Variants in ZNF850 observed in about 807,000 individuals in gnomAD.
The protein encoded by ZNF850 is putative zinc finger protein ENSP00000330994.
ZNF850 carries 2 observed loss-of-function variants against 11.9 expected under a neutral mutation model. That is an observed-to-expected ratio of 0.17 (90% CI 0.07 to 0.53). The LOEUF is 0.53. Ranked by LOEUF, ZNF850 falls within the 20% of genes least tolerant of loss-of-function variation. ZNF850 has a pLI of 0.94. For missense variants in ZNF850, 1,014 were observed against 1,316.4 expected, an observed-to-expected ratio of 0.77 and a Z score of 3.55; for synonymous variants, 381 against 443.0, an observed-to-expected ratio of 0.86 and a Z score of 1.76.
chr19:36,769,993 TG>T (rs934978049), intron 1 of ZNF850, among the ~76,000 whole-genome samples: 1 of 152,186 alleles, frequency 6.6e-6, no homozygotes, highest in Admixed American at 6.5e-5. Context: ...ACCCCCTCTT[TG>T]GGTTCGATTA....
chr19:36,750,610 T>G lies in ZNF850; in HGVS notation c.430A>C (p.Thr144Pro). 1.3e-6 allele frequency: 2 copies of G among 1,536,136 alleles called. No homozygotes were observed. The highest frequency in any genetic ancestry group is 1.7e-6 in the Non-Finnish European group (2 of 1,146,922). Residue 144 changes from threonine to proline, a missense_variant, in exon 5 of 5, where the codon ACT becomes CCT. Coordinates refer to ENST00000591344, the MANE Select transcript of ZNF850 (RefSeq NM_001193552.2). Reference sequence around the variant, plus strand: ...CAGAAAGTTGGTGTTGTTTCATAAGTCATTATTGCTTTTTCCAAATATCGC... The same window carrying G: ...CAGAAAGTTGGTGTTGTTTCATAAGGCATTATTGCTTTTTCCAAATATCGC... ...QERYLEKAIM[T>P]YETTPTFCLQ...
chr19:36,764,485 A>G (rs2040537822), intron 1 of ZNF850, among the ~76,000 whole-genome samples: 1 of 152,144 alleles, frequency 6.6e-6, no homozygotes, highest in Non-Finnish European at 1.5e-5. Flanking sequence ...GTGAGGCTAG[A>G]GTTTATTATA....
rs184448576 is a variant in ZNF850, at chr19:36,770,002, T to C, written c.-70+2723A>G. Among the ~76,000 whole-genome samples, 12 of 152,308 alleles carry C rather than the reference T, an allele frequency of 7.9e-5. No individual in the cohort carries two copies. In the East Asian group the frequency reaches 1.9e-3, roughly 25 times the overall value. On this transcript the variant is annotated intron_variant, in intron 1 of 4. Transcript: ENST00000591344. ...CCTACGACCCCCTCTTTGGGTTCGA[T>C]TAATTTGCTAAAATAAAATGGCTCA...
rs1295458536 is a variant in ZNF850 at position 36,762,326 on chromosome 19, A to G, written c.118T>C (p.Tyr40His). 5.1e-6 allele frequency: 8 copies of G among 1,580,324 alleles called. No homozygotes were observed. The highest frequency in any genetic ancestry group is 6.8e-6 in the Non-Finnish European group (8 of 1,170,232). The change falls in exon 3 of 5, where the codon TAC (tyrosine) becomes CAC (histidine). Residue 40 changes from tyrosine (Y) to histidine (H), a missense_variant. This residue lies in a region of ZNF850 where 835 missense variants were observed against 1,022.0 expected (regional missense o/e 0.82). Transcript: ENST00000591344. Reference protein sequence around the residue: ...DLYRDVMMENYSSLVSLGLSI... With the variant: ...DLYRDVMMENHSSLVSLGLSI... ...TTACCTAGTGAGACCAGGCTGCTGT[A>G]GTTCTCCATCATTACATCTCTGTAT...
rs2040446524 is a variant in ZNF850 at position 36,750,411 on chromosome 19, G to A, written c.629C>T (p.Ser210Phe). 6.5e-7 allele frequency: 1 copy of A among 1,536,602 alleles called. No homozygotes were observed. The highest frequency in any genetic ancestry group is 8.7e-7 in the Non-Finnish European group (1 of 1,146,968). Residue 210 changes from serine to phenylalanine, a missense_variant, in exon 5 of 5, where the codon TCC (serine) becomes TTC (phenylalanine). Physicochemically the swap from Ser to Phe is radical, Grantham distance 155. This residue lies in a region of ZNF850 where 835 missense variants were observed against 1,022.0 expected (regional missense o/e 0.82). Transcript: ENST00000591344. ...KECGKAFHHFSYLVKHQRIHT... is the reference protein window; with the variant it reads ...KECGKAFHHFFYLVKHQRIHT... ...AATTCTCTGATGTTTAACAAGATAG[G>A]AAAAGTGATGAAAGGCCTTCCCACA...
At chr19:36,753,759 C>A (rs1257469409) in intron 4 of ZNF850, among the ~76,000 whole-genome samples, 1 of 151,958 alleles carries the variant, frequency 6.6e-6, no homozygotes, top group Non-Finnish European at 1.5e-5. Context: ...CTGTGAATAG[C>A]ATATATATTT....
intron 1 of ZNF850, among the ~76,000 whole-genome samples, chr19:36,763,171 A>C (rs1322437774): frequency 6.6e-6 from 1 of 151,958 alleles, no homozygotes; most frequent in Non-Finnish European, 1.5e-5. Flanking sequence ...GATTACAGGC[A>C]TGAGCCACCA....
chr19:36,750,088 A>G lies in ZNF850; in HGVS notation c.952T>C (p.Phe318Leu). The G allele has an allele frequency of 6.5e-7, 1 of 1,538,870 alleles. No individual in the cohort carries two copies. Among genetic ancestry groups the G allele is most frequent in the Non-Finnish European group, 8.7e-7 (1 of 1,146,992 alleles). The change falls in exon 5 of 5, where the codon TTT (phenylalanine) becomes CTT (leucine). Residue 318 changes from phenylalanine (F) to leucine (L), a missense_variant. By Grantham distance (22) the Phe-to-Leu change is conservative. Coordinates refer to ENST00000591344, the MANE Select transcript of ZNF850 (RefSeq NM_001193552.2). ...CGAATTAGTGTTGAGCCAACAGTAA[A>G]AGATTTTCCACATTGCTTACAATGA... ...PYHCKQCGKS[F>L]TVGSTLIRHQ...
Position 36,749,928 on chromosome 19 carries a change from C to G in ZNF850, c.1112G>C (p.Gly371Ala). ...AGCTGAGTGAAAAGTAAAAGATTTT[C>G]CACATTCCTTACAGTCATAGGGTTT... ...GEKPYDCKEC[G>A]KSFTFHSALI... Residue 371 changes from glycine to alanine, a missense_variant, in exon 5 of 5, where the codon GGA (glycine) becomes GCA (alanine). Gly to Ala is a moderately conservative substitution (Grantham distance 60). This residue lies in a region of ZNF850 where 835 missense variants were observed against 1,022.0 expected (regional missense o/e 0.82). Coordinates refer to ENST00000591344, the MANE Select transcript of ZNF850 (RefSeq NM_001193552.2). The G allele has an allele frequency of 1.3e-6, 2 of 1,571,436 alleles. No individual in the cohort carries two copies. Among genetic ancestry groups the G allele is most frequent in the Non-Finnish European group, 1.7e-6 (2 of 1,160,792 alleles).
Position 36,750,696 on chromosome 19 carries a change from G to C in ZNF850, c.344C>G (p.Ser115Cys). ...RMEKCHSLVG[S>C]SVRDDWECKG... Reference sequence around the variant, plus strand: ...GCATTCCCAGTCATCTCTGACACTGGAGCCCACAAGGCTATGACATTTTTC... The same window carrying C: ...GCATTCCCAGTCATCTCTGACACTGCAGCCCACAAGGCTATGACATTTTTC... Residue 115 changes from serine (S) to cysteine (C), a missense_variant, in exon 5 of 5, where the codon TCC (serine) becomes TGC (cysteine). Transcript: ENST00000591344. 1 of 1,536,156 alleles carries C rather than the reference G, an allele frequency of 6.5e-7. No homozygotes were observed. Among genetic ancestry groups the C allele is most frequent in the Non-Finnish European group, 8.7e-7 (1 of 1,146,918 alleles).
chr19:36,764,684 C>T (rs2040538937), intron 1 of ZNF850, among the ~76,000 whole-genome samples: 1 of 150,470 alleles, frequency 6.6e-6, no homozygotes, highest in African/African-American at 2.4e-5. Flanking sequence ...GCTTTAGCTG[C>T]AAGTGGCTAA....
chr19:36,748,869 G>C lies in ZNF850; in HGVS notation c.2171C>G (p.Thr724Ser). The change falls in exon 5 of 5, where the codon ACT becomes AGT. Residue 724 changes from threonine to serine, a missense_variant. Coordinates refer to ENST00000591344, the MANE Select transcript of ZNF850 (RefSeq NM_001193552.2). ...CTTACCATCATAGGGTTTCTCATCA[G>C]TGTGATTTTGCTGATGTTGAATTAG... The part of the protein sequence containing the change: ...SGLIQHQQNH[T>S]DEKPYDGKEC... 1 of 1,551,450 alleles carries C rather than the reference G, an allele frequency of 6.4e-7. No individual in the cohort carries two copies. Among genetic ancestry groups the C allele is most frequent in the East Asian group, 2.4e-5 (1 of 41,586 alleles).
intron 1 of ZNF850, among the ~76,000 whole-genome samples, chr19:36,770,726 A>AAAAAAAAAAAAAAAAAC: frequency 8.1e-6 from 1 of 122,846 alleles, no homozygotes; most frequent in Admixed American, 8.0e-5. Context: ...AAAAAAAAAA[A>AAAAAAAAAAAAAAAAAC]AAAAAAAAAA....
chr19:36,768,040 G>A (rs1160994546), intron 1 of ZNF850, among the ~76,000 whole-genome samples: 3 of 152,068 alleles, frequency 2.0e-5, no homozygotes, highest in Non-Finnish European at 2.9e-5. Context: ...GCAGGAGGAT[G>A]GCTTGAGCCC....
At chr19:36,761,060 A>G (rs896292216) in intron 4 of ZNF850, among the ~76,000 whole-genome samples, 1 of 152,186 alleles carries the variant, frequency 6.6e-6, no homozygotes, top group African/African-American at 2.4e-5. Flanking sequence ...AGGAAACAGG[A>G]TGGCTCCCGA....
chr19:36,748,438 G>A lies in ZNF850; in HGVS notation c.2602C>T (p.Pro868Ser). 3 of 1,558,964 alleles carry A rather than the reference G, an allele frequency of 1.9e-6. No homozygotes were observed. The highest frequency in any genetic ancestry group is 2.6e-6 in the Non-Finnish European group (3 of 1,157,352). Residue 868 changes from proline (P) to serine (S), a missense_variant, in exon 5 of 5, where the codon CCC becomes TCC. By Grantham distance (74) the Pro-to-Ser change is moderately conservative. This residue lies in a region of ZNF850 where 179 missense variants were observed against 294.4 expected (regional missense o/e 0.61). Transcript: ENST00000591344. ...TTTCCACATTCCTTACAATGATAGG[G>A]TTTCTCACCAGTGTGAATTCGCTGA... ...EHQRIHTGEK[P>S]YHCKECGKSF...
chr19:36,757,359 T>C (rs1256846947), intron 4 of ZNF850, among the ~76,000 whole-genome samples: 1 of 152,142 alleles, frequency 6.6e-6, no homozygotes, highest in East Asian at 1.9e-4. Context: ...AATACATTTA[T>C]GTTATGTATG....
Position 36,749,224 on chromosome 19 carries a change from G to T in ZNF850, c.1816C>A (p.Gln606Lys). 1.3e-6 allele frequency: 2 copies of T among 1,595,058 alleles called. No individual in the cohort carries two copies. The highest frequency in any genetic ancestry group is 1.7e-5 in the Admixed American group (1 of 57,144). Residue 606 changes from glutamine to lysine, a missense_variant, in exon 5 of 5, where the codon CAA (glutamine) becomes AAA (lysine). Gln to Lys is a moderately conservative substitution (Grantham distance 53). Transcript: ENST00000591344. ...KSFTVGSTLL[Q>K]HQQIHTGEKP... ...TCACCAGTGTGAATTTGCTGATGTT[G>T]AAGTAGTGTTGAGCCAACAGTAAAA...
intron 1 of ZNF850, among the ~76,000 whole-genome samples, chr19:36,764,725 C>CTTTT (rs35367899): frequency 6.3e-5 from 8 of 126,838 alleles, no homozygotes; most frequent in Non-Finnish European, 9.7e-5. Flanking sequence ...TTTCCTTTCC[C>CTTTT]TTTTTTTTTT....
Sources: allele counts gnomAD v4.1 joint callset (sites outside exome capture counted in the v4.1 genomes callset), GRCh38; gene constraint gnomAD v4.1.1; regional missense constraint gnomAD v4.1.1; transcripts MANE v1.5; gene names NCBI Gene and HGNC (gene_info 2026-07-23, HGNC 2026-07-21).